Variants in UGGT2 observed in about 807,000 individuals in gnomAD.
The protein encoded by UGGT2 is UDP-glucose:glycoprotein glucosyltransferase 2.
Under a neutral mutation model 192.1 loss-of-function variants are expected in UGGT2, and 180 were observed. The ratio of observed to expected loss-of-function variants is 0.94; its 90% confidence interval spans 0.83 to 1.06. UGGT2 has a LOEUF of 1.06. Among genes scored for constraint, UGGT2 ranks in the 50% least tolerant of loss-of-function variants. UGGT2 has a pLI of 0.00. For synonymous variants in UGGT2, 580 were observed against 591.0 expected (o/e 0.98, Z 0.27); for missense variants, 1,849 against 1,795.7 (o/e 1.03, Z -0.54).
At chr13:96,018,820 A>G (rs983240096) in intron 4 of UGGT2, among the ~76,000 whole-genome samples, 3 of 151,754 alleles carry the variant, frequency 2.0e-5, no homozygotes, top group African/African-American at 7.2e-5. Context: ...TGCAAAACCT[A>G]TTAGAATAAA....
Position 95,887,902 on chromosome 13 carries a change from G to A in UGGT2, c.3028C>T (p.Pro1010Ser). 1 of 1,595,502 alleles carries A rather than the reference G, an allele frequency of 6.3e-7. No individual in the cohort carries two copies. The highest frequency in any genetic ancestry group is 8.5e-7 in the Non-Finnish European group (1 of 1,169,770). Residue 1010 changes from proline (P) to serine (S), a missense_variant, in exon 26 of 39, where the codon CCT (proline) becomes TCT (serine). Transcript: ENST00000376747. ...MNCRGRLSEA[P>S]LESFYRFVLE... ...TTCACTCAGATTTACCTTTCTAAAG[G>A]GGCTTCTGAAAGCCTGCCCCTACAG...
chr13:95,913,020 A>G (rs1348909845), intron 20 of UGGT2, among the ~76,000 whole-genome samples: 1 of 152,224 alleles, frequency 6.6e-6, no homozygotes, highest in African/African-American at 2.4e-5. Context: ...GGTGCTGGGA[A>G]AACTGGCTAG....
At chr13:95,820,698 C>T (rs1039274508) in intron 38 of UGGT2, among the ~76,000 whole-genome samples, 2 of 151,652 alleles carry the variant, frequency 1.3e-5, no homozygotes, top group South Asian at 4.2e-4. Flanking sequence ...TTAGTGTACC[C>T]GTCACCTGAG....
In UGGT2 at chr13:95,966,071, T is replaced by A. The variant is rs142315265; in HGVS notation, c.1335+4041A>T. Among the ~76,000 whole-genome samples, 75 of 152,258 alleles carry A rather than the reference T, an allele frequency of 4.9e-4. 1 individual carries two copies. The East Asian group carries it at 0.014, about 27-fold the overall frequency. ...TTTTTGAAAGGAAAAGAAACCAACA[T>A]CTCAAAGAGATACCTGCACTTGCCT... On this transcript the variant is annotated intron_variant, in intron 12 of 38. Coordinates refer to ENST00000376747, the MANE Select transcript of UGGT2 (RefSeq NM_020121.4).
intron 17 of UGGT2, among the ~76,000 whole-genome samples, chr13:95,929,004 C>A (rs2049146365): frequency 6.6e-6 from 1 of 152,168 alleles, no homozygotes; most frequent in African/African-American, 2.4e-5. Context: ...ACCAGCCCGG[C>A]CAACACAGCG....
At chr13:95,917,065 A>G (rs115236076) in intron 20 of UGGT2, among the ~76,000 whole-genome samples, 214 of 152,262 alleles carry the variant, frequency 1.4e-3, no homozygotes, top group African/African-American at 4.7e-3. Flanking sequence ...AAGATACTCC[A>G]TGAAAAGATC....
At chr13:95,987,481 C>T (rs570109625) in intron 8 of UGGT2, among the ~76,000 whole-genome samples, 1 of 152,058 alleles carries the variant, frequency 6.6e-6, no homozygotes, top group East Asian at 1.9e-4. Context: ...TATGCAAAGG[C>T]CCCTTAGAGA....
At chr13:95,825,663 T>G (rs911102021) in intron 38 of UGGT2, among the ~76,000 whole-genome samples, 3 of 152,170 alleles carry the variant, frequency 2.0e-5, no homozygotes, top group Admixed American at 6.6e-5. Context: ...CCCAGCTGTG[T>G]CTGCAGTGGT....
At chr13:95,914,015 T>C (rs959802251) in intron 20 of UGGT2, among the ~76,000 whole-genome samples, 4 of 152,074 alleles carry the variant, frequency 2.6e-5, no homozygotes, top group Admixed American at 6.5e-5. Flanking sequence ...TTCTCACTCA[T>C]AGGTGGGAAT....
At chr13:95,922,593 G>A (rs2048880638) in intron 20 of UGGT2, among the ~76,000 whole-genome samples, 1 of 152,142 alleles carries the variant, frequency 6.6e-6, no homozygotes, top group Admixed American at 6.5e-5. Flanking sequence ...AAGCTGAGGC[G>A]AGTGGATCAC....
At chr13:95,920,470 T>C (rs1210305882) in intron 20 of UGGT2, among the ~76,000 whole-genome samples, 1 of 152,042 alleles carries the variant, frequency 6.6e-6, no homozygotes, top group Non-Finnish European at 1.5e-5. Flanking sequence ...AGGTCTAATA[T>C]CCAGAGTCTA....
rs546143340 is a variant in UGGT2 at position 96,032,884 on chromosome 13, C to T, written c.159-913G>A. On this transcript the variant is annotated intron_variant, in intron 1 of 38. Transcript: ENST00000376747. ...ACTGATTAATTCATCAACATAAACACGACAAGCATAGGAATTTAGAGTAAT... is the reference window on the plus strand; with the variant it reads ...ACTGATTAATTCATCAACATAAACATGACAAGCATAGGAATTTAGAGTAAT... Among the ~76,000 whole-genome samples the T allele has an allele frequency of 9.3e-4, 141 of 152,268 alleles. 1 individual carries two copies. The highest frequency in any genetic ancestry group is 1.9e-3 in the Admixed American group (29 of 15,288).
chr13:96,044,626 G>A (rs1231828070), intron 1 of UGGT2, among the ~76,000 whole-genome samples: 1 of 152,134 alleles, frequency 6.6e-6, no homozygotes, highest in Non-Finnish European at 1.5e-5. Flanking sequence ...AGAAAAAAGA[G>A]AAAATCCAAA....
chr13:95,962,404 A>G (rs188542723), intron 12 of UGGT2, among the ~76,000 whole-genome samples: 20 of 152,290 alleles, frequency 1.3e-4, no homozygotes, highest in Admixed American at 1.0e-3. Context: ...ATCATCAGAG[A>G]CTATTATAGA....
intron 36 of UGGT2, among the ~76,000 whole-genome samples, chr13:95,839,759 A>G (rs890895191): frequency 1.3e-5 from 2 of 152,186 alleles, no homozygotes; most frequent in Non-Finnish European, 2.9e-5. Context: ...ATAGGAGCGT[A>G]TCATGGTTCC....
chr13:95,927,475 T>C (rs992598596), intron 17 of UGGT2, 139 bp from the exon 18 acceptor site: 66 of 785,590 alleles, frequency 8.4e-5, no homozygotes, highest in South Asian at 5.2e-4. Context: ...TCTTTCTTTT[T>C]TTTTTTTTTT....
chr13:95,918,424 G>A (rs984841284), intron 20 of UGGT2, among the ~76,000 whole-genome samples: 5 of 152,042 alleles, frequency 3.3e-5, no homozygotes, highest in South Asian at 2.1e-4. Flanking sequence ...ACATCAAAAC[G>A]CTAGAAAGAT....
intron 36 of UGGT2, among the ~76,000 whole-genome samples, chr13:95,846,447 G>C (rs919276203): frequency 6.6e-6 from 1 of 151,960 alleles, no homozygotes; most frequent in African/African-American, 2.4e-5. Context: ...GGAGGAGGGA[G>C]AGGTCCTTTT....
Position 95,863,986 on chromosome 13 carries a change from A to G in UGGT2, c.3559-272T>C, listed in dbSNP as rs568321787. 2.0e-4 allele frequency among the ~76,000 whole-genome samples: 30 copies of G among 152,252 alleles called. No individual in the cohort carries two copies. The Middle Eastern group carries it at 0.014, about 69-fold the overall frequency. ...GTTTACTAATTTATCAGCTTTAGGC[A>G]TTATCTACTAGTATTTCTGAATTCA... On this transcript the variant is annotated intron_variant, in intron 30 of 38. Coordinates refer to ENST00000376747, the MANE Select transcript of UGGT2 (RefSeq NM_020121.4).
Sources: gnomAD v4.1 joint callset for allele counts (sites outside exome capture counted in the v4.1 genomes callset) on GRCh38, gnomAD v4.1.1 for gene constraint, MANE v1.5 for transcripts, NCBI Gene and HGNC (gene_info 2026-07-23, HGNC 2026-07-21) for gene names.